Variants in PCDHGA2 observed in about 807,000 individuals in gnomAD.
The protein encoded by PCDHGA2 is protocadherin gamma subfamily A, 2, also known as protocadherin gamma-A2.
In PCDHGA2, 40 loss-of-function variants were observed where a neutral mutation model predicts 59.2. The observed-to-expected ratio is 0.68, with a 90% CI of 0.52 to 0.88. The LOEUF (loss-of-function observed/expected upper bound fraction) is 0.88. Among genes scored for constraint, PCDHGA2 ranks in the 40% least tolerant of loss-of-function variants. PCDHGA2 has a pLI of 0.00. For missense variants in PCDHGA2, 1,226 were observed against 1,204.0 expected, an observed-to-expected ratio of 1.02 and a Z score of -0.27; for synonymous variants, 560 against 526.0, an observed-to-expected ratio of 1.06 and a Z score of -0.89.
Position 141,393,179 on chromosome 5 carries a change from A to T in PCDHGA2, c.2424+51784A>T, listed in dbSNP as rs375085176. 8.7e-6 allele frequency: 14 copies of T among 1,613,202 alleles called. 2 individuals are homozygous for T. In the East Asian group the frequency reaches 2.5e-4, roughly 28 times the overall value. ...GAAAACTCTTTGGGGTAGAAATAGA[A>T]ATAATTGATATTAACGATAATAACC... On this transcript the variant is annotated intron_variant, in intron 1 of 3. Coordinates refer to ENST00000394576, the MANE Select transcript of PCDHGA2 (RefSeq NM_018915.4).
chr5:141,413,283 C>G (rs377443382), intron 1 of PCDHGA2: 1 of 1,613,966 alleles, frequency 6.2e-7, no homozygotes, highest in Admixed American at 1.7e-5. Context: ...GGCAGATCTC[C>G]TACTCAATTC....
chr5:141,366,936 C>A, intron 1 of PCDHGA2: 1 of 864,802 alleles, frequency 1.2e-6, no homozygotes, highest in African/African-American at 1.7e-5. Context: ...TTTGGGAAGT[C>A]TAGCTGATAT....
In PCDHGA2 at chr5:141,485,697, A is replaced by G. The variant is rs76923861; in HGVS notation, c.2425-9110A>G. 48,100 of 1,614,036 alleles carry G rather than the reference A, an allele frequency of 0.03. 1,433 individuals carry two copies. Among genetic ancestry groups the G allele is most frequent in the African/African-American group, 0.15 (11,542 of 75,006 alleles). The stretch of plus-strand genomic sequence containing the variant: ...ATTAGCAGCTATAGGCTGAGCTCCA[A>G]TGAACACTTTGCACTGGATGTGAAG... On this transcript the variant is annotated intron_variant, in intron 1 of 3. Transcript: ENST00000394576. The surrounding 1 kb of genome is among the most constrained non-coding windows in gnomAD (Gnocchi z 5.7).
chr5:141,376,549 T>C (rs757110514), intron 1 of PCDHGA2: 1 of 1,612,108 alleles, frequency 6.2e-7, no homozygotes, highest in East Asian at 2.2e-5. Context: ...AATCTGATCT[T>C]CCCGCAACCC....
intron 1 of PCDHGA2, among the ~76,000 whole-genome samples, chr5:141,453,176 C>T (rs1225418058): frequency 6.6e-6 from 1 of 152,042 alleles, no homozygotes; most frequent in Non-Finnish European, 1.5e-5. Flanking sequence ...TCCAGTGGTA[C>T]AATCACAGCT....
intron 1 of PCDHGA2, among the ~76,000 whole-genome samples, chr5:141,401,792 T>C (rs1359997438): frequency 6.6e-6 from 1 of 152,212 alleles, no homozygotes; most frequent in Non-Finnish European, 1.5e-5. Context: ...CCTTAGTATG[T>C]GATTCAGTAA....
intron 1 of PCDHGA2, chr5:141,351,711 C>T (rs754862766): frequency 1.2e-6 from 2 of 1,613,916 alleles, no homozygotes; most frequent in Non-Finnish European, 1.7e-6. Flanking sequence ...GGCAGAGTCT[C>T]CTACTCTATT....
At chr5:141,374,121 A>G in intron 1 of PCDHGA2, 53 of 1,590,920 alleles carry the variant, frequency 3.3e-5, no homozygotes, top group Non-Finnish European at 4.5e-5. Context: ...CGCAGCGAGC[A>G]GGTCCTGCTC....
chr5:141,401,281 G>C (rs2094135967), intron 1 of PCDHGA2, among the ~76,000 whole-genome samples: 1 of 152,200 alleles, frequency 6.6e-6, no homozygotes, highest in Non-Finnish European at 1.5e-5. Context: ...GGTGGAGGTT[G>C]CGGTGAGCCG....
chr5:141,352,084 C>A (rs1254924328), intron 1 of PCDHGA2: 2 of 1,604,412 alleles, frequency 1.2e-6, no homozygotes, highest in Non-Finnish European at 8.5e-7. Context: ...TGCAGGCCAG[C>A]GAGCCCGGGC....
intron 1 of PCDHGA2, among the ~76,000 whole-genome samples, chr5:141,402,570 C>G (rs947118867): frequency 1.3e-5 from 2 of 152,138 alleles, no homozygotes; most frequent in Admixed American, 1.3e-4. Flanking sequence ...TTATTTACAA[C>G]TCAGATATCT....
chr5:141,360,387 A>AC (rs1216903112), intron 1 of PCDHGA2: 2 of 1,613,826 alleles, frequency 1.2e-6, no homozygotes, highest in African/African-American at 2.7e-5. Flanking sequence ...GCGGAGACTT[A>AC]CTTGTGAGTG....
chr5:141,362,148 A>G, intron 1 of PCDHGA2: 2 of 1,613,980 alleles, frequency 1.2e-6, no homozygotes, highest in Non-Finnish European at 1.7e-6. Flanking sequence ...TGCAAGAGGT[A>G]TTGCCAGACC....
intron 1 of PCDHGA2, among the ~76,000 whole-genome samples, chr5:141,349,378 T>C (rs1273851475): frequency 6.6e-6 from 1 of 152,112 alleles, no homozygotes; most frequent in Non-Finnish European, 1.5e-5. Flanking sequence ...GTATTTAATA[T>C]ACATTCATAT....
intron 1 of PCDHGA2, chr5:141,426,987 G>C (rs867397302): frequency 1.3e-5 from 6 of 456,602 alleles, no homozygotes; most frequent in African/African-American, 1.2e-4. Context: ...TGATGCCAAC[G>C]ATAATGCCCC....
In PCDHGA2 at chr5:141,431,779, G is replaced by A; in HGVS notation, c.2425-63028G>A. 2 of 1,614,232 alleles carry A rather than the reference G, an allele frequency of 1.2e-6. No individual in the cohort carries two copies. Among genetic ancestry groups the A allele is most frequent in the Non-Finnish European group, 1.7e-6 (2 of 1,180,030 alleles). ...AAGTCCTGATCACTGTTCTGGACGT[G>A]AACGACAATGCCCCAGAAGTGGTCC... On this transcript the variant is annotated intron_variant, in intron 1 of 3. Transcript: ENST00000394576. This position sits in a 1 kb window ranked among gnomAD's most constrained non-coding sequence, Gnocchi z 4.8.
chr5:141,430,509 G>T, intron 1 of PCDHGA2: 1 of 328,564 alleles, frequency 3.0e-6, no homozygotes. Flanking sequence ...GGGAGTTCAA[G>T]ATTGTGCAGT....
At chr5:141,408,894 C>A (rs778126197) in intron 1 of PCDHGA2, 1 of 1,613,304 alleles carries the variant, frequency 6.2e-7, no homozygotes, top group East Asian at 2.2e-5. Flanking sequence ...ATAGAAATTT[C>A]TGTCAAGGAT....
chr5:141,390,399 G>A (rs545358089), intron 1 of PCDHGA2: 2 of 1,359,380 alleles, frequency 1.5e-6, no homozygotes, highest in Non-Finnish European at 2.0e-6. Context: ...GATCATTTTA[G>A]GAAAGTTGTA....
Sources: gnomAD v4.1 joint callset for allele counts (sites outside exome capture counted in the v4.1 genomes callset) on GRCh38, gnomAD v4.1.1 for gene constraint, Gnocchi (gnomAD v3.1) non-coding constraint, MANE v1.5 for transcripts, NCBI Gene and HGNC (gene_info 2026-07-23, HGNC 2026-07-21) for gene names.